Variants in LRRC4C observed in about 807,000 individuals in gnomAD.
The protein encoded by LRRC4C is leucine-rich repeat-containing protein 4C.
In LRRC4C, 5 loss-of-function variants were observed where a neutral mutation model predicts 33.6. That is an observed-to-expected ratio of 0.15 (90% CI 0.08 to 0.31). LRRC4C has a LOEUF of 0.31. Among genes scored for constraint, LRRC4C ranks in the 10% least tolerant of loss-of-function variants. The pLI is 1.00. For synonymous variants in LRRC4C, 329 were observed against 302.0 expected (o/e 1.09, Z -0.93); for missense variants, 560 against 796.7 (o/e 0.70, Z 3.58).
At chr11:41,012,472 A>T (rs951568961) in intron 1 of LRRC4C, among the ~76,000 whole-genome samples, 1 of 152,122 alleles carries the variant, frequency 6.6e-6, no homozygotes, top group Non-Finnish European at 1.5e-5. Flanking sequence ...CATTTTCTTT[A>T]TCCATTCATC....
chr11:41,414,732 C>A (rs955635079), intron 1 of LRRC4C, among the ~76,000 whole-genome samples: 1 of 151,604 alleles, frequency 6.6e-6, no homozygotes, highest in Non-Finnish European at 1.5e-5. Flanking sequence ...TTCCTCAACT[C>A]GAGAAAGATA....
At position 40,534,138 on chromosome 11, in the gene LRRC4C, G is replaced by T. The variant is rs551925944; in HGVS notation, c.-270+114004C>A. ...TCAGTTTCCTTATTTATTACATGAG[G>T]ATTATAGTGTTTACTGCTCAGAATG... is the stretch of plus-strand genomic sequence containing the variant. On this transcript the variant is annotated intron_variant, in intron 3 of 6. Transcript: ENST00000528697. 7.9e-5 allele frequency among the ~76,000 whole-genome samples: 12 copies of T among 152,108 alleles called. No individual in the cohort carries two copies. The South Asian group carries it at 2.5e-3, about 32-fold the overall frequency.
intron 2 of LRRC4C, among the ~76,000 whole-genome samples, chr11:40,694,236 T>C (rs1945373751): frequency 6.6e-6 from 1 of 152,146 alleles, no homozygotes; most frequent in South Asian, 2.1e-4. Context: ...GGAAATTTGC[T>C]TTACCCATTA....
chr11:41,135,161 A>G (rs542012860), intron 1 of LRRC4C, among the ~76,000 whole-genome samples: 1 of 152,292 alleles, frequency 6.6e-6, no homozygotes, highest in Non-Finnish European at 1.5e-5. Flanking sequence ...TCATCTCTGC[A>G]TGACAGAAAA....
chr11:40,463,759 T>G (rs1952521121), intron 3 of LRRC4C, among the ~76,000 whole-genome samples: 1 of 152,052 alleles, frequency 6.6e-6, no homozygotes, highest in South Asian at 2.1e-4. Flanking sequence ...GAATCATATT[T>G]AAAATTAACC....
intron 3 of LRRC4C, among the ~76,000 whole-genome samples, chr11:40,557,553 T>C (rs1957378330): frequency 6.6e-6 from 1 of 152,168 alleles, no homozygotes; most frequent in African/African-American, 2.4e-5. Context: ...TACATTGTTA[T>C]TACACTTTAT....
rs35336371 is a variant in LRRC4C at position 40,760,412 on chromosome 11, CA to C, written c.-406-112135del. Among the ~76,000 whole-genome samples, 529 of 136,104 alleles carry C rather than the reference CA, an allele frequency of 3.9e-3. 1 individual carries two copies. The highest frequency in any genetic ancestry group is 0.01 in the African/African-American group (370 of 36,462). The allele number at this position is 136,104 out of a possible 152,430, so 89.3% of individuals were successfully genotyped here. A position where few individuals can be genotyped will look rare whatever the true frequency, so the allele number is the denominator to read the frequency against. On this transcript the variant is annotated intron_variant, in intron 2 of 6. Coordinates refer to ENST00000528697, the MANE Select transcript of LRRC4C (RefSeq NM_001258419.2). ...AAATATTTACTATTTGGTCCTTTAC[CA>C]AAAAAAAAAAAAAAGTTTGCTGACA... is the stretch of plus-strand genomic sequence containing the variant.
intron 3 of LRRC4C, among the ~76,000 whole-genome samples, chr11:40,489,278 T>C (rs1165843316): frequency 6.6e-6 from 1 of 152,120 alleles, no homozygotes; most frequent in Non-Finnish European, 1.5e-5. Context: ...CTTATCTTTA[T>C]GTAAGTCACT....
At chr11:41,130,926 G>A (rs1942981515) in intron 1 of LRRC4C, among the ~76,000 whole-genome samples, 1 of 151,886 alleles carries the variant, frequency 6.6e-6, no homozygotes, top group Non-Finnish European at 1.5e-5. Context: ...CACTAAGTTT[G>A]CATTTATAGA....
At chr11:40,628,345 G>T (rs1963152390) in intron 3 of LRRC4C, among the ~76,000 whole-genome samples, 1 of 152,144 alleles carries the variant, frequency 6.6e-6, no homozygotes, top group Non-Finnish European at 1.5e-5. Context: ...GGGCGTGGTG[G>T]CGGGTGCCTG....
At chr11:40,435,049 G>A (rs1470808101) in intron 3 of LRRC4C, among the ~76,000 whole-genome samples, 1 of 152,136 alleles carries the variant, frequency 6.6e-6, no homozygotes, top group African/African-American at 2.4e-5. Context: ...TTGCCTGCCA[G>A]ATAAAACTGA....
chr11:41,029,186 C>T (rs796680213), intron 1 of LRRC4C, among the ~76,000 whole-genome samples: 6 of 151,844 alleles, frequency 4.0e-5, no homozygotes, highest in African/African-American at 1.4e-4. Context: ...GCTGACAAAG[C>T]AGCAGGTTTT....
chr11:40,822,198 C>T (rs1472053842), intron 2 of LRRC4C, among the ~76,000 whole-genome samples: 2 of 151,660 alleles, frequency 1.3e-5, no homozygotes, highest in East Asian at 3.9e-4. Flanking sequence ...ACTCTACCTC[C>T]AAGAGATTGA....
At chr11:40,664,761 GT>G (rs1364133515) in intron 2 of LRRC4C, among the ~76,000 whole-genome samples, 3 of 151,994 alleles carry the variant, frequency 2.0e-5, no homozygotes, top group East Asian at 3.9e-4. Context: ...ATGTGGTTCT[GT>G]TTTTTTAATA....
chr11:40,794,448 A>G (rs1161455289), intron 2 of LRRC4C, among the ~76,000 whole-genome samples: 2 of 150,226 alleles, frequency 1.3e-5, no homozygotes, highest in Admixed American at 6.7e-5. Flanking sequence ...GACATGTACT[A>G]TTTGTTCAAG....
chr11:41,268,895 A>T (rs1949235175), intron 1 of LRRC4C, among the ~76,000 whole-genome samples: 1 of 152,054 alleles, frequency 6.6e-6, no homozygotes, highest in Non-Finnish European at 1.5e-5. Context: ...AAAAAGACAA[A>T]ATACAGCATA....
Position 40,844,185 on chromosome 11 carries a change from G to A in LRRC4C, c.-407+89450C>T, listed in dbSNP as rs76478162. ...TACAGTCATGTTGGCACATGTATAC[G>A]TATGTAACTAACCTGCACGTTGTGC... On this transcript the variant is annotated intron_variant, in intron 2 of 6. Coordinates refer to ENST00000528697, the MANE Select transcript of LRRC4C (RefSeq NM_001258419.2). Among the ~76,000 whole-genome samples the A allele has an allele frequency of 0.012, 1,847 of 151,652 alleles. 94 individuals carry two copies. The East Asian group carries it at 0.13, about 11-fold the overall frequency.
chr11:40,929,263 T>A (rs1957513352), intron 2 of LRRC4C, among the ~76,000 whole-genome samples: 1 of 152,196 alleles, frequency 6.6e-6, no homozygotes, highest in African/African-American at 2.4e-5. Flanking sequence ...AATCCCATAC[T>A]TCTTTAAAAG....
At chr11:40,147,783 A>C (rs138435342) in intron 5 of LRRC4C, among the ~76,000 whole-genome samples, 295 of 152,170 alleles carry the variant, frequency 1.9e-3, no homozygotes, top group African/African-American at 6.3e-3. Flanking sequence ...GTACATGTGC[A>C]AGTTTGTAAT....
Sources: gnomAD v4.1 joint callset for allele counts (sites outside exome capture counted in the v4.1 genomes callset) on GRCh38, gnomAD v4.1.1 for gene constraint, MANE v1.5 for transcripts, NCBI Gene and HGNC (gene_info 2026-07-23, HGNC 2026-07-21) for gene names.